Variants in XKR4 observed in about 807,000 individuals in gnomAD.
XKR4 encodes XK-related protein 4.
XKR4 carries 12 observed loss-of-function variants against 53.9 expected under a neutral mutation model. The observed-to-expected ratio is 0.22, with a 90% confidence interval of 0.14 to 0.36. The LOEUF (loss-of-function observed/expected upper bound fraction) is 0.36. Among genes scored for constraint, XKR4 ranks in the 10% least tolerant of loss-of-function variants. The probability of loss-of-function intolerance (pLI) is 1.00; values close to 1 mark genes in which losing one functional copy is unlikely to be tolerated. For synonymous variants in XKR4, 354 were observed against 362.4 expected, an observed-to-expected ratio of 0.98 and a Z score of 0.26; for missense variants, 799 against 859.5, an observed-to-expected ratio of 0.93 and a Z score of 0.88.
chr8:55,396,791 G>A (rs954151161), intron 2 of XKR4, among the ~76,000 whole-genome samples: 1 of 152,156 alleles, frequency 6.6e-6, no homozygotes, highest in African/African-American at 2.4e-5. Flanking sequence ...AGGCTTAACA[G>A]TACTTTAAAA....
chr8:55,155,569 A>C (rs1816896062), intron 1 of XKR4, among the ~76,000 whole-genome samples: 2 of 151,750 alleles, frequency 1.3e-5, no homozygotes, highest in South Asian at 4.1e-4. Context: ...AAAAAAAAGA[A>C]GTCGAGGATT....
At chr8:55,117,269 G>A (rs1266649660) in intron 1 of XKR4, among the ~76,000 whole-genome samples, 1 of 152,070 alleles carries the variant, frequency 6.6e-6, no homozygotes, top group Non-Finnish European at 1.5e-5. Flanking sequence ...TACTAGATAA[G>A]AATTTACTAG....
intron 1 of XKR4, among the ~76,000 whole-genome samples, chr8:55,220,035 T>TA (rs1369786114): frequency 6.6e-6 from 1 of 152,152 alleles, no homozygotes; most frequent in Non-Finnish European, 1.5e-5. Context: ...ATATTGTATG[T>TA]TTCAAAATTG....
intron 1 of XKR4, among the ~76,000 whole-genome samples, chr8:55,337,325 G>C (rs918475359): frequency 8.5e-5 from 13 of 152,070 alleles, no homozygotes; most frequent in African/African-American, 3.1e-4. Context: ...ATGGGGTTTT[G>C]TTTGTTTGTT....
In XKR4 at chr8:55,284,820, A is replaced by G. The variant is rs185105288; in HGVS notation, c.807-72858A>G. Reference sequence around the variant, plus strand: ...TTCTGAGGGAGGATTGCCAAAGAATATGTAGACATATGTTTATTGCATCAG... The same window carrying G: ...TTCTGAGGGAGGATTGCCAAAGAATGTGTAGACATATGTTTATTGCATCAG... On this transcript the variant is annotated intron_variant, in intron 1 of 2. Coordinates refer to ENST00000327381, the MANE Select transcript of XKR4 (RefSeq NM_052898.2). Among the ~76,000 whole-genome samples the G allele has an allele frequency of 4.5e-3, 687 of 152,326 alleles. 2 individuals carry two copies. The highest frequency in any genetic ancestry group is 6.9e-3 in the Admixed American group (105 of 15,302).
chr8:55,284,876 C>A, intron 1 of XKR4, among the ~76,000 whole-genome samples: 1 of 152,184 alleles, frequency 6.6e-6, no homozygotes, highest in Non-Finnish European at 1.5e-5. Context: ...CAATCTACAT[C>A]TGATCCATGA....
intron 1 of XKR4, among the ~76,000 whole-genome samples, chr8:55,131,753 C>CTT (rs56682340): frequency 0.015 from 2,186 of 149,328 alleles, 41 homozygotes; most frequent in African/African-American, 0.045. Flanking sequence ...TGTTTCTTTT[C>CTT]TTTTTTTTTT....
At chr8:55,195,147 T>TTTTAAAAACCGTTTA (rs1817488131) in intron 1 of XKR4, among the ~76,000 whole-genome samples, 149 of 100,662 alleles carry the variant, frequency 1.5e-3, no homozygotes, top group South Asian at 1.8e-3. Context: ...CAAATAATTT[T>TTTTAAAAACCGTTTA]CACCGACAAG....
At chr8:55,149,340 T>C (rs1044535397) in intron 1 of XKR4, among the ~76,000 whole-genome samples, 4 of 152,100 alleles carry the variant, frequency 2.6e-5, no homozygotes, top group Non-Finnish European at 5.9e-5. Flanking sequence ...TGAAAAAATA[T>C]AATACTAGAG....
At chr8:55,129,675 A>G (rs1459663140) in intron 1 of XKR4, among the ~76,000 whole-genome samples, 1 of 152,180 alleles carries the variant, frequency 6.6e-6, no homozygotes, top group Non-Finnish European at 1.5e-5. Context: ...CCAGGAAGGT[A>G]GGAGTCTTCA....
In XKR4 at chr8:55,102,285, A is replaced by G; in HGVS notation, c.-204A>G. The G allele has an allele frequency of 3.3e-6, 2 of 605,390 alleles. No individual in the cohort carries two copies. The highest frequency in any genetic ancestry group is 2.1e-5 in the African/African-American group (1 of 48,676). The allele number at this position is 605,390 out of a possible 1,614,324, so 37.5% of individuals were successfully genotyped here. A position where few individuals can be genotyped will look rare whatever the true frequency, so the allele number is the denominator to read the frequency against. On this transcript the variant is annotated 5_prime_UTR_variant, in exon 1 of 3. Coordinates refer to ENST00000327381, the MANE Select transcript of XKR4 (RefSeq NM_052898.2). The surrounding 1 kb of genome is among the most constrained non-coding windows in gnomAD (Gnocchi z 5.1). Reference sequence around the variant, plus strand: ...GCCAGGCGGCGCTCCTGCCGGCCCCAGGCGCGCCGCTAGCCCGGCCCAGCG... The same window carrying G: ...GCCAGGCGGCGCTCCTGCCGGCCCCGGGCGCGCCGCTAGCCCGGCCCAGCG...
At chr8:55,453,067 G>A (rs1353570215) in intron 2 of XKR4, 1 of 593,408 alleles carries the variant, frequency 1.7e-6, no homozygotes, top group African/African-American at 1.8e-5. Flanking sequence ...CTGGGCTGGG[G>A]CCTGATCCTC....
At position 55,102,924 on chromosome 8, in the gene XKR4, G is replaced by A; in HGVS notation, c.436G>A (p.Gly146Arg). 6.2e-7 allele frequency: 1 copy of A among 1,611,736 alleles called. No homozygotes were observed. Among genetic ancestry groups the A allele is most frequent in the Non-Finnish European group, 8.5e-7 (1 of 1,179,872 alleles). The stretch of plus-strand genomic sequence containing the variant: ...CCTGCGCGGCCAGCGCTGGTGGTTC[G>A]GGCTCACGCTCTTCTTCGTGGTGCT... ...YYLRGQRWWFGLTLFFVVLGS... is the reference protein window; with the variant it reads ...YYLRGQRWWFRLTLFFVVLGS... Residue 146 changes from glycine (G) to arginine (R), a missense_variant, in exon 1 of 3, where the codon GGG becomes AGG. Coordinates refer to ENST00000327381, the MANE Select transcript of XKR4 (RefSeq NM_052898.2). The surrounding 1 kb of genome is among the most constrained non-coding windows in gnomAD (Gnocchi z 5.1).
At chr8:55,460,686 G>A (rs946722738) in intron 2 of XKR4, among the ~76,000 whole-genome samples, 5 of 152,144 alleles carry the variant, frequency 3.3e-5, no homozygotes, top group South Asian at 2.1e-4. Context: ...GTGAGGCATC[G>A]CCTCACCCGG....
intron 2 of XKR4, among the ~76,000 whole-genome samples, chr8:55,367,240 T>C (rs1159668257): frequency 6.6e-6 from 1 of 152,104 alleles, no homozygotes; most frequent in Non-Finnish European, 1.5e-5. Context: ...ATTGTGTGTG[T>C]GTGTGTGTGT....
chr8:55,437,636 C>G (rs1805196070), intron 2 of XKR4, among the ~76,000 whole-genome samples: 1 of 152,192 alleles, frequency 6.6e-6, no homozygotes, highest in Admixed American at 6.5e-5. Flanking sequence ...ACTGTGTAAG[C>G]TGCACAATGC....
chr8:55,452,435 CG>C, intron 2 of XKR4: 1 of 623,874 alleles, frequency 1.6e-6, no homozygotes, highest in Non-Finnish European at 2.9e-6. Context: ...CTGGCCACCC[CG>C]CACTGCCCGC....
In XKR4 at chr8:55,216,798, T is replaced by C. The variant is rs1585945253; in HGVS notation, c.806+113504T>C. 3.3e-5 allele frequency among the ~76,000 whole-genome samples: 5 copies of C among 150,724 alleles called. No individual in the cohort carries two copies. The East Asian group carries it at 9.7e-4, about 29-fold the overall frequency. On this transcript the variant is annotated intron_variant, in intron 1 of 2. Coordinates refer to ENST00000327381, the MANE Select transcript of XKR4 (RefSeq NM_052898.2). ...ACAGCATTAAAATTAAGAAGTTCTA[T>C]TTATAAAAAAAAAAACTATAAAGAT...
chr8:55,289,651 A>AAAGAAAGGG (rs1724639972), intron 1 of XKR4, among the ~76,000 whole-genome samples: 1 of 109,276 alleles, frequency 9.2e-6, no homozygotes, highest in Admixed American at 8.9e-5. Context: ...GAAAGAAAGG[A>AAAGAAAGGG]AGGAAGGAAA....
Sources: gnomAD v4.1 joint callset for allele counts (sites outside exome capture counted in the v4.1 genomes callset) on GRCh38, gnomAD v4.1.1 for gene constraint, Gnocchi (gnomAD v3.1) non-coding constraint, MANE v1.5 for transcripts, NCBI Gene and HGNC (gene_info 2026-07-23, HGNC 2026-07-21) for gene names.